The following WHRN variants were observed in gnomAD, a reference collection of about 807,000 sequenced individuals.
The protein encoded by WHRN is CASK-interacting protein CIP98.
Under a neutral mutation model 68.3 loss-of-function variants are expected in WHRN, and 41 were observed. The observed-to-expected ratio is 0.60, with a 90% CI of 0.47 to 0.78. The LOEUF (loss-of-function observed/expected upper bound fraction) is 0.78. WHRN is among the 30% of genes least tolerant of loss of function. The pLI is 0.00. For synonymous variants in WHRN, 560 were observed against 561.3 expected, an observed-to-expected ratio of 1.00 and a Z score of 0.03; for missense variants, 1,243 against 1,244.7, an observed-to-expected ratio of 1.00 and a Z score of 0.02.
At chr9:114,456,527 C>A (rs2132796902) in intron 3 of WHRN, among the ~76,000 whole-genome samples, 1 of 152,138 alleles carries the variant, frequency 6.6e-6, no homozygotes, top group South Asian at 2.1e-4. Context: ...TCTCCCTCCT[C>A]AAAAGTATAT....
At chr9:114,492,545 G>A (rs190482299) in intron 1 of WHRN, among the ~76,000 whole-genome samples, 7 of 152,248 alleles carry the variant, frequency 4.6e-5, no homozygotes, top group African/African-American at 1.7e-4. Context: ...GGCAGCTTTG[G>A]GAAGAATTCC....
At chr9:114,482,215 C>T (rs142306677) in intron 1 of WHRN, among the ~76,000 whole-genome samples, 7 of 152,032 alleles carry the variant, frequency 4.6e-5, no homozygotes, top group Middle Eastern at 3.4e-3. Flanking sequence ...AAGAATCATC[C>T]GGCACACAGT....
chr9:114,483,331 T>A (rs1842235028), intron 1 of WHRN, among the ~76,000 whole-genome samples: 1 of 152,152 alleles, frequency 6.6e-6, no homozygotes, highest in Non-Finnish European at 1.5e-5. Flanking sequence ...GCCACTAAAA[T>A]GTGTGTGGGT....
chr9:114,461,172 C>T (rs1393813851), intron 3 of WHRN, among the ~76,000 whole-genome samples: 3 of 152,204 alleles, frequency 2.0e-5, no homozygotes, highest in Admixed American at 2.0e-4. Context: ...TATTTTTTCT[C>T]TGCCTTGTTT....
intron 9 of WHRN, 146 bp downstream of exon 9, chr9:114,406,209 C>T: frequency 9.3e-7 from 1 of 1,077,542 alleles, no homozygotes; most frequent in Non-Finnish European, 1.4e-6. Context: ...GGGATTCAAA[C>T]TGGGGTCTCC....
In WHRN at chr9:114,404,076, T is replaced by C. The variant is rs1290121171; in HGVS notation, c.2238A>G (p.Thr746=). ...CCGAGAGCTGGGAGAGCGTAGAGGC[T>C]GCTGGAGAGGGGAAAAGGAAGAGAG... ...NEVRALPQTR[T]ASTLSQLSDS... is the part of the protein sequence containing the mutation. The change falls in exon 10 of 12, where the codon ACA becomes ACG. Residue 746 remains threonine (T), a splice_region_variant and synonymous_variant. Transcript: ENST00000362057. 1 of 1,612,774 alleles carries C rather than the reference T, an allele frequency of 6.2e-7. No homozygotes were observed. The highest frequency in any genetic ancestry group is 8.5e-7 in the Non-Finnish European group (1 of 1,179,992).
chr9:114,449,391 T>C (rs1839112512), intron 3 of WHRN, among the ~76,000 whole-genome samples: 1 of 152,196 alleles, frequency 6.6e-6, no homozygotes, highest in South Asian at 2.1e-4. Context: ...CACGAACAAA[T>C]GATCTCACCT....
chr9:114,428,533 T>A (rs946531456), intron 3 of WHRN, among the ~76,000 whole-genome samples: 1 of 152,306 alleles, frequency 6.6e-6, no homozygotes, highest in African/African-American at 2.4e-5. Flanking sequence ...TCAGAAAGGT[T>A]AAGCACATAG....
intron 3 of WHRN, among the ~76,000 whole-genome samples, chr9:114,457,273 A>G (rs1839885658): frequency 6.6e-6 from 1 of 152,182 alleles, no homozygotes; most frequent in Admixed American, 6.5e-5. Flanking sequence ...CAGGGAAAAC[A>G]AACAAGGTGA....
At chr9:114,501,467 A>C (rs1298381888) in intron 1 of WHRN, among the ~76,000 whole-genome samples, 1 of 151,608 alleles carries the variant, frequency 6.6e-6, no homozygotes, top group African/African-American at 2.4e-5. Flanking sequence ...TGCTCGACCC[A>C]CTCTTTAAAA....
chr9:114,490,591 T>C (rs1441645881), intron 1 of WHRN, among the ~76,000 whole-genome samples: 2 of 152,236 alleles, frequency 1.3e-5, no homozygotes, highest in Non-Finnish European at 2.9e-5. Flanking sequence ...TGACCTTCTC[T>C]GAGGGTTCAA....
chr9:114,496,895 TGCAAGATA>T (rs1410527866), intron 1 of WHRN, among the ~76,000 whole-genome samples: 1 of 152,220 alleles, frequency 6.6e-6, no homozygotes, highest in Non-Finnish European at 1.5e-5. Context: ...GGAATCTTGC[TGCAAGATA>T]GTTAAGGATG....
intron 4 of WHRN, 76 bp from the exon 5 acceptor site, chr9:114,425,100 T>C: frequency 2.7e-6 from 4 of 1,470,144 alleles, no homozygotes; most frequent in Non-Finnish European, 2.9e-6. Context: ...CAGGGTGACT[T>C]GGGGCAGGAA....
intron 1 of WHRN, among the ~76,000 whole-genome samples, chr9:114,498,258 A>T (rs909129905): frequency 6.6e-6 from 1 of 152,220 alleles, no homozygotes; most frequent in Non-Finnish European, 1.5e-5. Context: ...GGCAGACCAT[A>T]AAAAGACATA....
intron 7 of WHRN, among the ~76,000 whole-genome samples, chr9:114,410,054 C>T (rs1480319760): frequency 1.3e-5 from 2 of 152,134 alleles, no homozygotes; most frequent in Non-Finnish European, 2.9e-5. Context: ...AGGGCCTTTG[C>T]ACCTGCCGCT....
chr9:114,477,147 G>A (rs1841719819), intron 2 of WHRN, among the ~76,000 whole-genome samples: 1 of 152,226 alleles, frequency 6.6e-6, no homozygotes, highest in Non-Finnish European at 1.5e-5. Context: ...AATAGAAGCT[G>A]CTGTGATCTC....
At chr9:114,413,143 G>A (rs1159095572) in intron 7 of WHRN, among the ~76,000 whole-genome samples, 2 of 152,216 alleles carry the variant, frequency 1.3e-5, no homozygotes, top group African/African-American at 2.4e-5. Context: ...CTGGATATTC[G>A]CCAGTGGGGG....
chr9:114,473,028 G>A (rs1050190171), intron 2 of WHRN, among the ~76,000 whole-genome samples: 2 of 152,218 alleles, frequency 1.3e-5, no homozygotes, highest in Non-Finnish European at 2.9e-5. Context: ...TTCCAGGCTT[G>A]TAGCAGCCTG....
chr9:114,502,315 C>CAGCT (rs1450258028), intron 1 of WHRN, among the ~76,000 whole-genome samples: 2 of 152,222 alleles, frequency 1.3e-5, no homozygotes, highest in Admixed American at 1.3e-4. Flanking sequence ...ACTTAAAGGA[C>CAGCT]AGCTCTGCTC....
Sources: gnomAD v4.1 joint callset for allele counts (sites outside exome capture counted in the v4.1 genomes callset) on GRCh38, gnomAD v4.1.1 for gene constraint, MANE v1.5 for transcripts, NCBI Gene and HGNC (gene_info 2026-07-23, HGNC 2026-07-21) for gene names.